Variants in ADAMTSL3 observed in about 807,000 individuals in gnomAD.
ADAMTSL3 encodes ADAMTS-like protein 3.
Under a neutral mutation model 201.7 loss-of-function variants are expected in ADAMTSL3, and 128 were observed. The ratio of observed to expected loss-of-function variants is 0.63; its 90% CI spans 0.55 to 0.73. The LOEUF is 0.73. ADAMTSL3 is among the 30% of genes least tolerant of loss of function. ADAMTSL3 has a pLI of 0.00. For missense variants in ADAMTSL3, 1,990 were observed against 2,119.6 expected (o/e 0.94, Z 1.20); for synonymous variants, 738 against 748.4 (o/e 0.99, Z 0.23).
At chr15:83,825,819 G>A (rs2064009449) in intron 6 of ADAMTSL3, among the ~76,000 whole-genome samples, 1 of 151,958 alleles carries the variant, frequency 6.6e-6, no homozygotes, top group Non-Finnish European at 1.5e-5. Flanking sequence ...AGTGCATTCT[G>A]TAGAGTTGAG....
intron 3 of ADAMTSL3, among the ~76,000 whole-genome samples, chr15:83,753,767 G>A (rs2062675811): frequency 6.6e-6 from 1 of 152,032 alleles, no homozygotes; most frequent in Non-Finnish European, 1.5e-5. Flanking sequence ...TGGTTATCTT[G>A]TGGTTGTAAA....
chr15:83,948,979 C>T (rs1235981372), intron 19 of ADAMTSL3, among the ~76,000 whole-genome samples: 2 of 152,022 alleles, frequency 1.3e-5, no homozygotes, highest in Admixed American at 6.6e-5. Context: ...GGGTATCCAT[C>T]CCCTCAAGCA....
intron 4 of ADAMTSL3, among the ~76,000 whole-genome samples, chr15:83,788,357 C>A (rs552038103): frequency 6.6e-6 from 1 of 152,220 alleles, no homozygotes; most frequent in Admixed American, 6.5e-5. Context: ...TACTTCTTTC[C>A]TGTGTTAGAT....
At chr15:83,976,173 C>T (rs2067284031) in intron 20 of ADAMTSL3, among the ~76,000 whole-genome samples, 1 of 152,108 alleles carries the variant, frequency 6.6e-6, no homozygotes, top group Non-Finnish European at 1.5e-5. Flanking sequence ...GGAGAGGTAG[C>T]TATCATTTGT....
At chr15:84,029,203 G>A (rs891422346) in intron 27 of ADAMTSL3, among the ~76,000 whole-genome samples, 4 of 152,200 alleles carry the variant, frequency 2.6e-5, no homozygotes, top group African/African-American at 9.6e-5. Flanking sequence ...AGTTTGGAGG[G>A]CTCAGAAGAA....
intron 4 of ADAMTSL3, among the ~76,000 whole-genome samples, chr15:83,774,500 A>T (rs1169679198): frequency 6.6e-6 from 1 of 152,228 alleles, no homozygotes; most frequent in Admixed American, 6.5e-5. Flanking sequence ...AGCAGGGCAG[A>T]TGAGAGATTG....
intron 2 of ADAMTSL3, among the ~76,000 whole-genome samples, chr15:83,659,335 T>C (rs185583889): frequency 3.3e-5 from 5 of 152,366 alleles, no homozygotes; most frequent in African/African-American, 1.2e-4. Context: ...AAAACACAGC[T>C]TGTAAAATAA....
chr15:83,847,669 A>T (rs2064528568), intron 7 of ADAMTSL3, among the ~76,000 whole-genome samples: 2 of 151,614 alleles, frequency 1.3e-5, no homozygotes. Context: ...CTAATTTTGT[A>T]TTTTTAGTAG....
At chr15:83,734,581 A>T (rs908904711) in intron 3 of ADAMTSL3, among the ~76,000 whole-genome samples, 4 of 152,106 alleles carry the variant, frequency 2.6e-5, no homozygotes, top group Non-Finnish European at 5.9e-5. Context: ...CTGCTTTGTG[A>T]TGAGCTGCCC....
intron 5 of ADAMTSL3, among the ~76,000 whole-genome samples, chr15:83,819,601 G>A (rs1210050637): frequency 1.4e-5 from 2 of 147,606 alleles, no homozygotes; most frequent in East Asian, 2.0e-4. Context: ...ATAATCTCCT[G>A]TATAAATAAT....
chr15:83,892,386 C>T (rs887080037), intron 12 of ADAMTSL3, among the ~76,000 whole-genome samples: 7 of 151,210 alleles, frequency 4.6e-5, no homozygotes, highest in East Asian at 3.9e-4. Context: ...AAAAATTAGC[C>T]GGGCGTGGTG....
At chr15:83,684,073 C>G (rs1263651083) in intron 2 of ADAMTSL3, among the ~76,000 whole-genome samples, 1 of 152,154 alleles carries the variant, frequency 6.6e-6, no homozygotes, top group African/African-American at 2.4e-5. Flanking sequence ...AAACCTGAAG[C>G]AAAGATTACT....
At chr15:83,906,716 T>C (rs1431494089) in intron 15 of ADAMTSL3, among the ~76,000 whole-genome samples, 2 of 151,822 alleles carry the variant, frequency 1.3e-5, no homozygotes, top group Non-Finnish European at 2.9e-5. Flanking sequence ...TTTGGTTTTT[T>C]CCAAAATTTT....
At chr15:83,728,099 C>T (rs572676973) in intron 3 of ADAMTSL3, among the ~76,000 whole-genome samples, 14 of 151,848 alleles carry the variant, frequency 9.2e-5, no homozygotes, top group South Asian at 4.2e-4. Flanking sequence ...GTGTTTTGAC[C>T]TCTTTATCAT....
chr15:83,934,043 T>A (rs1172492916), intron 17 of ADAMTSL3, among the ~76,000 whole-genome samples: 3 of 152,178 alleles, frequency 2.0e-5, no homozygotes, highest in Non-Finnish European at 4.4e-5. Flanking sequence ...GAGTCCCCAC[T>A]GGGACACTGC....
rs774661948 is a variant in ADAMTSL3, at chr15:83,704,389, A to G, written c.70A>G (p.Thr24Ala). 4.3e-6 allele frequency: 7 copies of G among 1,613,954 alleles called. No homozygotes were observed. In the African/African-American group the frequency reaches 8.0e-5, roughly 18 times the overall value. The change falls in exon 3 of 30, where the codon ACC becomes GCC. Residue 24 changes from threonine (T) to alanine (A), a missense_variant and splice_region_variant. By Grantham distance (58) the Thr-to-Ala change is moderately conservative. Transcript: ENST00000286744. The part of the protein sequence containing the change: ...MVFMHSPLPQ[T>A]TAEKSPGAYF... ...GTGACCAAATGATCTTGTTTTTCAG[A>G]CCACAGCTGAGAAATCTCCTGGAGC...
intron 15 of ADAMTSL3, among the ~76,000 whole-genome samples, chr15:83,911,131 C>T (rs999432053): frequency 6.6e-6 from 1 of 152,014 alleles, no homozygotes; most frequent in African/African-American, 2.4e-5. Flanking sequence ...AACTTTAAAC[C>T]TTTTAAAAAT....
intron 3 of ADAMTSL3, 115 bp downstream of exon 3, chr15:83,704,623 A>G (rs1388379991): frequency 1.4e-6 from 2 of 1,391,018 alleles, no homozygotes; most frequent in African/African-American, 1.4e-5. Flanking sequence ...TACAAGTACA[A>G]CAGACCCTTG....
At chr15:83,709,358 T>A (rs2061900385) in intron 3 of ADAMTSL3, among the ~76,000 whole-genome samples, 1 of 152,178 alleles carries the variant, frequency 6.6e-6, no homozygotes, top group South Asian at 2.1e-4. Context: ...GTAGCTAGAA[T>A]GTATTAGTTT....
Sources: gnomAD v4.1 joint callset for allele counts (sites outside exome capture counted in the v4.1 genomes callset) on GRCh38, gnomAD v4.1.1 for gene constraint, MANE v1.5 for transcripts, NCBI Gene and HGNC (gene_info 2026-07-23, HGNC 2026-07-21) for gene names.